Variants in KLHL12 observed in about 807,000 individuals in gnomAD.
The protein encoded by KLHL12 is kelch-like protein 12.
KLHL12 carries 17 observed loss-of-function variants against 60.8 expected under a neutral mutation model. That is an observed-to-expected ratio of 0.28 (90% CI 0.19 to 0.42). KLHL12 has a LOEUF of 0.42. KLHL12 is among the 10% of genes least tolerant of loss of function. The pLI, the probability that KLHL12 is intolerant of heterozygous loss-of-function variation, is 1.00. For missense variants in KLHL12, 468 were observed against 722.3 expected (o/e 0.65, Z 4.04); for synonymous variants, 220 against 250.9 (o/e 0.88, Z 1.16).
intron 4 of KLHL12, among the ~76,000 whole-genome samples, 174 bp downstream of exon 4, chr1:202,917,997 A>T (rs1660574085): frequency 1.3e-5 from 2 of 152,184 alleles, no homozygotes; most frequent in African/African-American, 2.4e-5. Flanking sequence ...AGAAAGTGGC[A>T]AACTCCCTCT....
In KLHL12 at chr1:202,891,933, T is replaced by C. The variant is rs1297899818; in HGVS notation, c.*600A>G. 1.3e-5 allele frequency: 2 copies of C among 152,218 alleles called. No individual in the cohort carries two copies. Among genetic ancestry groups the C allele is most frequent in the East Asian group, 3.8e-4 (2 of 5,198 alleles). 9.4% of individuals were successfully genotyped at this position (152,218 alleles called of 1,614,324 possible). ...CACTTAATTCTAACTTCAATTCTGA[T>C]ATACAAATCCTGACCTCCAAAAGAA... On this transcript the variant is annotated 3_prime_UTR_variant, in exon 12 of 12. Coordinates refer to ENST00000367261, the MANE Select transcript of KLHL12 (RefSeq NM_021633.4).
At chr1:202,927,358 T>A, upstream of KLHL12, 1 of 776,208 alleles carries the variant, frequency 1.3e-6, no homozygotes, top group Non-Finnish European at 1.6e-6. Context: ...AGCGCGGGGC[T>A]TCTGTACGCT....
chr1:202,914,009 A>G (rs1265432777), intron 4 of KLHL12, among the ~76,000 whole-genome samples: 1 of 152,162 alleles, frequency 6.6e-6, no homozygotes, highest in Non-Finnish European at 1.5e-5. Flanking sequence ...CTACAGCAAA[A>G]AAGAACTGGC....
upstream of KLHL12, chr1:202,927,334 C>T (rs923419605): frequency 8.7e-6 from 8 of 917,582 alleles, no homozygotes; most frequent in Admixed American, 2.5e-4. Flanking sequence ...TGTCACGTGA[C>T]CTGTCTGTAC....
chr1:202,917,722 A>G (rs1024940470), intron 4 of KLHL12, among the ~76,000 whole-genome samples: 1 of 152,142 alleles, frequency 6.6e-6, no homozygotes, highest in South Asian at 2.1e-4. Context: ...GATCCTCTTT[A>G]TAACATTTTT....
At chr1:202,922,955 GAA>G (rs1660743679) in intron 2 of KLHL12, among the ~76,000 whole-genome samples, 1 of 152,042 alleles carries the variant, frequency 6.6e-6, no homozygotes, top group Non-Finnish European at 1.5e-5. Context: ...TTTCATAGCT[GAA>G]GAGAACAAGG....
intron 6 of KLHL12, among the ~76,000 whole-genome samples, chr1:202,897,227 T>A (rs886444511): frequency 8.6e-5 from 12 of 140,110 alleles, no homozygotes; most frequent in Admixed American, 1.5e-4. Context: ...CATTTCTTTT[T>A]CTTTTTTTTT....
chr1:202,917,091 T>C (rs1660544831), intron 4 of KLHL12, among the ~76,000 whole-genome samples: 1 of 152,174 alleles, frequency 6.6e-6, no homozygotes, highest in African/African-American at 2.4e-5. Flanking sequence ...TACAAACCTA[T>C]ATGCAATAAA....
intron 4 of KLHL12, among the ~76,000 whole-genome samples, chr1:202,913,379 T>TA (rs1361231640): frequency 5.3e-5 from 8 of 152,094 alleles, no homozygotes; most frequent in South Asian, 2.1e-4. Context: ...TGTGAATAGA[T>TA]AAAAAAAACT....
chr1:202,926,398 C>A (rs1369998052), intron 1 of KLHL12, among the ~76,000 whole-genome samples: 1 of 152,174 alleles, frequency 6.6e-6, no homozygotes, highest in African/African-American at 2.4e-5. Flanking sequence ...TTCTCATCTA[C>A]TTCTGTTTGT....
chr1:202,900,829 A>C (rs1184238477), intron 6 of KLHL12, among the ~76,000 whole-genome samples: 1 of 152,136 alleles, frequency 6.6e-6, no homozygotes, highest in Non-Finnish European at 1.5e-5. Flanking sequence ...GCACCACTGC[A>C]CTCCAGCCTA....
chr1:202,916,034 G>A (rs1029589394), intron 4 of KLHL12, among the ~76,000 whole-genome samples: 1 of 152,182 alleles, frequency 6.6e-6, no homozygotes, highest in East Asian at 1.9e-4. Context: ...TTTCCAATAT[G>A]TGTACAAATC....
rs1653580046 is a variant in KLHL12, at chr1:202,926,760, G to A, written c.-46+329C>T. On this transcript the variant is annotated intron_variant, in intron 1 of 11. Coordinates refer to ENST00000367261, the MANE Select transcript of KLHL12 (RefSeq NM_021633.4). Reference sequence around the variant, plus strand: ...ACTTTCGTTAACATCTGAATGGAGGGATTCCACTTCGGGAGATTCGGGGCA... The same window carrying A: ...ACTTTCGTTAACATCTGAATGGAGGAATTCCACTTCGGGAGATTCGGGGCA... Among the ~76,000 whole-genome samples the A allele has an allele frequency of 1.3e-5, 2 of 152,194 alleles. 1 individual carries two copies. The highest frequency in any genetic ancestry group is 2.9e-5 in the Non-Finnish European group (2 of 68,040).
At position 202,919,904 on chromosome 1, in the gene KLHL12, G is replaced by A. The variant is rs765786597; in HGVS notation, c.200C>T (p.Ser67Leu). The A allele has an allele frequency of 1.9e-6, 3 of 1,612,606 alleles. 1 individual carries two copies. In the Admixed American group the frequency reaches 5.0e-5, roughly 27 times the overall value. ...YFCAMFTSEL[S>L]EKGKPYVDIQ... ...GTCAACATAAGGTTTCCCCTTCTCT[G>A]AGAGCTGAAAATTCAAAAGGTATAA... Residue 67 changes from serine (S) to leucine (L), a missense_variant, in exon 3 of 12, where the codon TCA (serine) becomes TTA (leucine). By Grantham distance (145) the Ser-to-Leu change is moderately radical. Transcript: ENST00000367261.
At chr1:202,907,668 G>C (rs984575119) in intron 6 of KLHL12, among the ~76,000 whole-genome samples, 4 of 151,190 alleles carry the variant, frequency 2.6e-5, no homozygotes, top group African/African-American at 9.7e-5. Flanking sequence ...CACTTTGGGA[G>C]GCCAAGGCAG....
chr1:202,927,292 C>T (rs1480286976), upstream of KLHL12: 8 of 985,068 alleles, frequency 8.1e-6, no homozygotes, highest in Admixed American at 6.2e-5. Context: ...GCCCTCCCCC[C>T]GCTCCAGAGT....
At chr1:202,907,219 A>G (rs1283826406) in intron 6 of KLHL12, among the ~76,000 whole-genome samples, 1 of 152,206 alleles carries the variant, frequency 6.6e-6, no homozygotes, top group East Asian at 1.9e-4. Context: ...TTTGAGTGGT[A>G]AGATTATGGA....
At chr1:202,927,304 T>TGCGTCACGTGAGGAGGTG, upstream of KLHL12, 1 of 982,776 alleles carries the variant, frequency 1.0e-6, no homozygotes, top group Non-Finnish European at 1.2e-6. Flanking sequence ...CTCCAGAGTC[T>TGCGTCACGTGAGGAGGTG]GCGTCACGTG....
intron 2 of KLHL12, among the ~76,000 whole-genome samples, chr1:202,923,324 C>A (rs190204303): frequency 3.9e-5 from 6 of 152,280 alleles, no homozygotes; most frequent in Non-Finnish European, 7.4e-5. Flanking sequence ...ACTCTCTTTA[C>A]CCAGTTAAAT....
Sources: gnomAD v4.1 joint callset for allele counts (sites outside exome capture counted in the v4.1 genomes callset) on GRCh38, gnomAD v4.1.1 for gene constraint, MANE v1.5 for transcripts, NCBI Gene and HGNC (gene_info 2026-07-23, HGNC 2026-07-21) for gene names.